PAIP2B: variants seen among roughly 807,000 people sequenced by gnomAD.
PAIP2B encodes polyadenylate-binding protein-interacting protein 2B.
PAIP2B carries 13 observed loss-of-function variants against 17.0 expected under a neutral mutation model. The observed-to-expected ratio is 0.76, with a 90% CI of 0.50 to 1.22. The LOEUF (loss-of-function observed/expected upper bound fraction) is 1.22, where lower values mean the gene tolerates loss of function less well. PAIP2B is among the 50% of genes most tolerant of loss of function. The pLI, the probability that PAIP2B is intolerant of heterozygous loss-of-function variation, is 0.00. For missense variants in PAIP2B, 117 were observed against 144.5 expected, an observed-to-expected ratio of 0.81 and a Z score of 0.98; for synonymous variants, 43 against 48.7, an observed-to-expected ratio of 0.88 and a Z score of 0.48.
chr2:71,217,023 G>C (rs1481164987), intron 1 of PAIP2B, among the ~76,000 whole-genome samples: 2 of 152,128 alleles, frequency 1.3e-5, no homozygotes, highest in Non-Finnish European at 2.9e-5. Flanking sequence ...TTTTAGAAAA[G>C]GATCTTCACA....
chr2:71,190,071 C>T (rs989826663), intron 2 of PAIP2B, 50 bp from the exon 3 acceptor site: 4 of 1,524,338 alleles, frequency 2.6e-6, no homozygotes, highest in Non-Finnish European at 3.5e-6. Context: ...GCAAGACTTA[C>T]CCCTTCCAGT....
intron 2 of PAIP2B, among the ~76,000 whole-genome samples, chr2:71,194,322 T>A (rs1674761016): frequency 6.6e-6 from 1 of 152,254 alleles, no homozygotes; most frequent in African/African-American, 2.4e-5. Context: ...ATAGCCATTT[T>A]AATGATATTG....
In PAIP2B at chr2:71,226,677, G is replaced by T. The variant is rs374275093; in HGVS notation, c.-12+251C>A. Among the ~76,000 whole-genome samples the T allele has an allele frequency of 7.9e-5, 12 of 152,104 alleles. 1 individual carries two copies. In the South Asian group the frequency reaches 2.3e-3, roughly 29 times the overall value. On this transcript the variant is annotated intron_variant, in intron 1 of 3. Coordinates refer to ENST00000244221, the MANE Select transcript of PAIP2B (RefSeq NM_020459.1). Reference sequence around the variant, plus strand: ...TCGGGGGGAAACAGAGCACCTGTGCGGGGGGGAAAGGGACGAAAACCCCCT... The same window carrying T: ...TCGGGGGGAAACAGAGCACCTGTGCTGGGGGGAAAGGGACGAAAACCCCCT...
intron 1 of PAIP2B, among the ~76,000 whole-genome samples, chr2:71,216,750 T>C (rs1025046131): frequency 5.9e-5 from 9 of 152,170 alleles, no homozygotes; most frequent in African/African-American, 2.2e-4. Flanking sequence ...CTCTGGCATA[T>C]AGCACTTAGA....
At chr2:71,216,069 A>C (rs370401158) in intron 1 of PAIP2B, among the ~76,000 whole-genome samples, 2 of 152,350 alleles carry the variant, frequency 1.3e-5, no homozygotes, top group African/African-American at 4.8e-5. Flanking sequence ...CATTCCAATA[A>C]GATAAAATAA....
Position 71,188,181 on chromosome 2 carries a change from C to T in PAIP2B, c.*298G>A, listed in dbSNP as rs536376414. 29 of 398,936 alleles carry T rather than the reference C, an allele frequency of 7.3e-5. No individual in the cohort carries two copies. The highest frequency in any genetic ancestry group is 4.3e-4 in the African/African-American group (21 of 49,316). 24.7% of individuals were successfully genotyped at this position (398,936 alleles called of 1,614,324 possible). ...CAGCTTATTTTGTTTAAATACACAC[C>T]GCGGAACACTTCTGATGAAGGGGGG... is the stretch of plus-strand genomic sequence containing the variant. On this transcript the variant is annotated 3_prime_UTR_variant, in exon 4 of 4. Transcript: ENST00000244221.
chr2:71,190,391 T>C (rs1011701995), intron 2 of PAIP2B, among the ~76,000 whole-genome samples: 1 of 152,146 alleles, frequency 6.6e-6, no homozygotes, highest in African/African-American at 2.4e-5. Flanking sequence ...GCCACTGCAC[T>C]TCAGTCTGGG....
In PAIP2B at chr2:71,187,737, C is replaced by G. The variant is rs944800882; in HGVS notation, c.*742G>C. 2 of 152,210 alleles carry G rather than the reference C, an allele frequency of 1.3e-5. No individual in the cohort carries two copies. The highest frequency in any genetic ancestry group is 2.9e-5 in the Non-Finnish European group (2 of 68,056). The allele number at this position is 152,210 out of a possible 1,614,324, so 9.4% of individuals were successfully genotyped here. On this transcript the variant is annotated 3_prime_UTR_variant, in exon 4 of 4. Coordinates refer to ENST00000244221, the MANE Select transcript of PAIP2B (RefSeq NM_020459.1). Reference sequence around the variant, plus strand: ...GTGGCAGATCAACCCTAGTGCTCTTCTACTTATAAATGGTGAGTCTGATGG... The same window carrying G: ...GTGGCAGATCAACCCTAGTGCTCTTGTACTTATAAATGGTGAGTCTGATGG...
chr2:71,208,011 T>G (rs544244643), intron 1 of PAIP2B, among the ~76,000 whole-genome samples: 1 of 152,116 alleles, frequency 6.6e-6, no homozygotes. Context: ...GTTGGAGTAG[T>G]CGTTTATATA....
At chr2:71,216,772 C>T (rs1460125860) in intron 1 of PAIP2B, among the ~76,000 whole-genome samples, 2 of 152,124 alleles carry the variant, frequency 1.3e-5, no homozygotes, top group African/African-American at 4.8e-5. Context: ...AAATGTGTTT[C>T]TTTCTGTAGG....
chr2:71,188,235 C>G lies in PAIP2B; in HGVS notation c.*244G>C. 1.9e-6 allele frequency: 1 copy of G among 513,298 alleles called. No individual in the cohort carries two copies. Among genetic ancestry groups the G allele is most frequent in the East Asian group, 3.1e-5 (1 of 31,772 alleles). 31.8% of individuals were successfully genotyped at this position (513,298 alleles called of 1,614,324 possible). ...ATGCAATTTCCTTAACTCGAAAGAG[C>G]TATTTAAAAAAACAAAACAGGAAAC... On this transcript the variant is annotated 3_prime_UTR_variant, in exon 4 of 4. Coordinates refer to ENST00000244221, the MANE Select transcript of PAIP2B (RefSeq NM_020459.1).
chr2:71,195,099 G>C (rs531106576), intron 2 of PAIP2B, among the ~76,000 whole-genome samples: 1 of 152,166 alleles, frequency 6.6e-6, no homozygotes, highest in Non-Finnish European at 1.5e-5. Flanking sequence ...TTGTGGATTA[G>C]CTTTTTGATG....
chr2:71,216,948 A>G (rs1398230664), intron 1 of PAIP2B, among the ~76,000 whole-genome samples: 1 of 152,236 alleles, frequency 6.6e-6, no homozygotes, highest in Non-Finnish European at 1.5e-5. Context: ...AAGTATATTT[A>G]CAGGTGTCAG....
intron 3 of PAIP2B, among the ~76,000 whole-genome samples, chr2:71,189,004 C>CTTTTTT (rs56008115): frequency 8.2e-6 from 1 of 122,192 alleles, no homozygotes. Context: ...TGCTCACAGA[C>CTTTTTT]TTTTTTTTTT....
At chr2:71,212,216 C>T (rs1675319555) in intron 1 of PAIP2B, among the ~76,000 whole-genome samples, 1 of 152,162 alleles carries the variant, frequency 6.6e-6, no homozygotes. Context: ...CAAATAAATG[C>T]CACTATAAAA....
At chr2:71,193,625 A>G (rs572248529) in intron 2 of PAIP2B, among the ~76,000 whole-genome samples, 1 of 152,276 alleles carries the variant, frequency 6.6e-6, no homozygotes, top group African/African-American at 2.4e-5. Context: ...AGGCTGAGGC[A>G]GGCAGATCAT....
intron 1 of PAIP2B, among the ~76,000 whole-genome samples, chr2:71,213,356 A>C (rs956354778): frequency 6.6e-6 from 1 of 152,232 alleles, no homozygotes; most frequent in Non-Finnish European, 1.5e-5. Flanking sequence ...TAGAGAAAAC[A>C]GTATCCACTA....
chr2:71,202,690 G>T, intron 1 of PAIP2B, 90 bp from the exon 2 acceptor site: 2 of 1,153,588 alleles, frequency 1.7e-6, no homozygotes, highest in Non-Finnish European at 2.5e-6. Flanking sequence ...AGAAGCTTCT[G>T]AAATTCTAAG....
intron 1 of PAIP2B, among the ~76,000 whole-genome samples, chr2:71,208,216 G>C (rs778247701): frequency 1.3e-5 from 2 of 152,100 alleles, no homozygotes; most frequent in Non-Finnish European, 1.5e-5. Flanking sequence ...TTGAGGTCAG[G>C]AGTTCGAGAC....
Sources: gnomAD v4.1 joint callset for allele counts (sites outside exome capture counted in the v4.1 genomes callset) on GRCh38, gnomAD v4.1.1 for gene constraint, MANE v1.5 for transcripts, NCBI Gene and HGNC (gene_info 2026-07-23, HGNC 2026-07-21) for gene names.